The following ACOT13 variants were observed in gnomAD, a reference collection of about 807,000 sequenced individuals.
ACOT13 encodes the protein acyl-CoA thioesterase 13, also known as acyl-coenzyme A thioesterase 13.
Under a neutral mutation model 11.8 loss-of-function variants are expected in ACOT13, and 10 were observed. The ratio of observed to expected loss-of-function variants is 0.85; its 90% confidence interval spans 0.53 to 1.44. The LOEUF is 1.44. ACOT13 is among the 40% of genes most tolerant of loss of function. ACOT13 has a pLI of 0.00. For missense variants in ACOT13, 172 were observed against 174.1 expected (o/e 0.99, Z 0.07); for synonymous variants, 53 against 61.0 (o/e 0.87, Z 0.61).
chr6:24,694,563 A>G lies in ACOT13; in HGVS notation c.82-3320A>G, dbSNP rs182721865. ...AACTGAATAAACAAGTGTGTGCCCT[A>G]CAGCCCATCTTTACCAAGGCTGAGA... On this transcript the variant is annotated intron_variant, in intron 1 of 2. Coordinates refer to ENST00000230048, the MANE Select transcript of ACOT13 (RefSeq NM_018473.4). 2.5e-3 allele frequency among the ~76,000 whole-genome samples: 387 copies of G among 152,292 alleles called. 2 individuals are homozygous for G. Among genetic ancestry groups the G allele is most frequent in the African/African-American group, 8.4e-3 (350 of 41,560 alleles).
chr6:24,686,689 CTCT>C (rs143126145), intron 1 of ACOT13, among the ~76,000 whole-genome samples: 2,901 of 147,432 alleles, frequency 0.02, 94 homozygotes, highest in African/African-American at 0.065. Context: ...GTCTTCTCTT[CTCT>C]TCTTCTTTTC....
chr6:24,673,887 T>G (rs1337185669), intron 1 of ACOT13, among the ~76,000 whole-genome samples: 1 of 145,124 alleles, frequency 6.9e-6, no homozygotes, highest in Non-Finnish European at 1.5e-5. Context: ...ACTTTTATCT[T>G]AGGACTAAAT....
chr6:24,668,217 TTTGTTG>T (rs17249498), intron 1 of ACOT13, among the ~76,000 whole-genome samples: 3 of 148,762 alleles, frequency 2.0e-5, no homozygotes, highest in African/African-American at 7.5e-5. Flanking sequence ...CTTGAAGGTG[TTTGTTG>T]TTGTTGTTGT....
chr6:24,670,745 T>C (rs886141645), intron 1 of ACOT13, among the ~76,000 whole-genome samples: 2 of 152,166 alleles, frequency 1.3e-5, no homozygotes, highest in African/African-American at 4.8e-5. Context: ...AAGCTGTCAA[T>C]AGCTCAAAAG....
intron 1 of ACOT13, among the ~76,000 whole-genome samples, chr6:24,679,279 T>TA (rs1344523498): frequency 6.6e-6 from 1 of 152,144 alleles, no homozygotes; most frequent in African/African-American, 2.4e-5. Flanking sequence ...ATCTGTATTA[T>TA]AAAAAACCGA....
At chr6:24,684,716 T>TTTCC in intron 1 of ACOT13, among the ~76,000 whole-genome samples, 1 of 11,872 alleles carries the variant, frequency 8.4e-5, no homozygotes, top group African/African-American at 1.3e-3. Flanking sequence ...GGTAACAGTA[T>TTTCC]ATAAAAAGTG....
intron 1 of ACOT13, among the ~76,000 whole-genome samples, chr6:24,668,586 G>T (rs1195779420): frequency 6.6e-6 from 1 of 152,158 alleles, no homozygotes. Context: ...AGCAGCTCAG[G>T]GGCCCTAATA....
rs140730449 is a variant in ACOT13, at chr6:24,677,712, G to T, written c.81+10368G>T. On this transcript the variant is annotated intron_variant, in intron 1 of 2. Coordinates refer to ENST00000230048, the MANE Select transcript of ACOT13 (RefSeq NM_018473.4). ...TTCAGGTGTCCATCTTACTAAATGG[G>T]TATTGGCTTTCTGAGTTTCCTTAGT... Among the ~76,000 whole-genome samples the T allele has an allele frequency of 3.6e-4, 55 of 152,322 alleles. No homozygotes were observed. In the East Asian group the frequency reaches 9.4e-3, roughly 26 times the overall value.
intron 1 of ACOT13, among the ~76,000 whole-genome samples, chr6:24,677,655 G>A (rs1443266821): frequency 6.6e-6 from 1 of 152,204 alleles, no homozygotes; most frequent in Non-Finnish European, 1.5e-5. Flanking sequence ...TTGGGTTAGG[G>A]CCTTCTTTAG....
At chr6:24,699,261 G>A (rs935696663) in intron 2 of ACOT13, among the ~76,000 whole-genome samples, 1 of 149,050 alleles carries the variant, frequency 6.7e-6, no homozygotes, top group African/African-American at 2.5e-5. Context: ...CCAGGCTGGA[G>A]TGCAGTGGTG....
intron 1 of ACOT13, among the ~76,000 whole-genome samples, chr6:24,671,006 T>C (rs1778353648): frequency 6.6e-6 from 1 of 152,176 alleles, no homozygotes; most frequent in Non-Finnish European, 1.5e-5. Flanking sequence ...GTTTTTACAC[T>C]GTTGGTGGGA....
intron 1 of ACOT13, among the ~76,000 whole-genome samples, chr6:24,685,254 T>C (rs1778610727): frequency 6.6e-6 from 1 of 151,986 alleles, no homozygotes; most frequent in African/African-American, 2.4e-5. Flanking sequence ...TAGGCAGAGT[T>C]GCTAGGGATA....
At chr6:24,676,854 C>T (rs1216362581) in intron 1 of ACOT13, among the ~76,000 whole-genome samples, 1 of 152,168 alleles carries the variant, frequency 6.6e-6, no homozygotes, top group Non-Finnish European at 1.5e-5. Context: ...TAGTAATCTC[C>T]TAATGGCTTC....
intron 1 of ACOT13, among the ~76,000 whole-genome samples, chr6:24,680,325 G>A (rs1778527210): frequency 6.6e-6 from 1 of 152,132 alleles, no homozygotes; most frequent in Non-Finnish European, 1.5e-5. Context: ...AAGAATATAA[G>A]TCATTTCTTT....
intron 2 of ACOT13, among the ~76,000 whole-genome samples, chr6:24,700,460 G>T (rs1443688747): frequency 1.7e-5 from 2 of 116,630 alleles, no homozygotes; most frequent in Admixed American, 1.1e-4. Flanking sequence ...TTGTGAGATG[G>T]AATCTTGCTC....
chr6:24,689,291 T>C (rs1778686243), intron 1 of ACOT13, among the ~76,000 whole-genome samples: 1 of 152,182 alleles, frequency 6.6e-6, no homozygotes, highest in Non-Finnish European at 1.5e-5. Context: ...AAGAAATAGT[T>C]TGATAAATTG....
chr6:24,671,362 A>C (rs1265685378), intron 1 of ACOT13, among the ~76,000 whole-genome samples: 1 of 152,030 alleles, frequency 6.6e-6, no homozygotes, highest in African/African-American at 2.4e-5. Context: ...TATCACAAGG[A>C]CAGAAAACCA....
intron 2 of ACOT13, 31 bp downstream of exon 2, chr6:24,698,098 T>C: frequency 6.5e-7 from 1 of 1,528,130 alleles, no homozygotes; most frequent in Non-Finnish European, 8.8e-7. Context: ...CCAAATCCCT[T>C]CTGTGTGATA....
intron 2 of ACOT13, among the ~76,000 whole-genome samples, chr6:24,699,321 T>G (rs1353573270): frequency 2.0e-5 from 3 of 150,468 alleles, no homozygotes; most frequent in African/African-American, 7.4e-5. Context: ...ACCATTCTCC[T>G]GCCTCAGCCT....
Sources: gnomAD v4.1 joint callset for allele counts (sites outside exome capture counted in the v4.1 genomes callset) on GRCh38, gnomAD v4.1.1 for gene constraint, MANE v1.5 for transcripts, NCBI Gene and HGNC (gene_info 2026-07-23, HGNC 2026-07-21) for gene names.